The following CNIH3 variants were observed in gnomAD, a reference collection of about 807,000 sequenced individuals.
CNIH3 encodes the protein protein cornichon homolog 3.
A neutral mutation model predicts 24.1 loss-of-function variants in CNIH3; 14 were observed. That is an observed-to-expected ratio of 0.58 (90% CI 0.38 to 0.91). The LOEUF (loss-of-function observed/expected upper bound fraction) is 0.91, where lower values mean the gene tolerates loss of function less well. Among genes scored for constraint, CNIH3 ranks in the 40% least tolerant of loss-of-function variants. The pLI, the probability that CNIH3 is intolerant of heterozygous loss-of-function variation, is 0.00. For synonymous variants in CNIH3, 68 were observed against 73.8 expected (o/e 0.92, Z 0.40); for missense variants, 178 against 196.8 (o/e 0.90, Z 0.57).
intron 3 of CNIH3, among the ~76,000 whole-genome samples, chr1:224,597,573 T>TACAGAAAG (rs1682038300): frequency 6.6e-6 from 1 of 151,932 alleles, no homozygotes; most frequent in Admixed American, 6.6e-5. Context: ...GGTCGGAGGG[T>TACAGAAAG]ACAGAAAGCT....
At position 224,739,334 on chromosome 1, in the gene CNIH3, T is replaced by C; in HGVS notation, c.461T>C (p.Ile154Thr). The C allele has an allele frequency of 9.3e-7, 1 of 1,079,066 alleles. No homozygotes were observed. Among genetic ancestry groups the C allele is most frequent in the Non-Finnish European group, 1.4e-6 (1 of 727,854 alleles). The allele number at this position is 1,079,066 out of a possible 1,614,324, so 66.8% of individuals were successfully genotyped here. A position where few individuals can be genotyped will look rare whatever the true frequency, so the allele number is the denominator to read the frequency against. Residue 154 changes from isoleucine (I) to threonine (T), a missense_variant, in exon 6 of 6, where the codon ATC becomes ACC. Physicochemically the swap from Ile to Thr is moderately conservative, Grantham distance 89. Transcript: ENST00000272133. ...LSFFYYLYCM[I>T]YTLVSS ...TTTTTTTTTTTTGCATTCAGCATGA[T>C]CTACACTTTAGTGAGCTCTTAACGC...
At chr1:224,685,479 G>A (rs1430493817) in intron 3 of CNIH3, among the ~76,000 whole-genome samples, 1 of 152,172 alleles carries the variant, frequency 6.6e-6, no homozygotes, top group Non-Finnish European at 1.5e-5. Flanking sequence ...GGGCCCCTGT[G>A]TCTCTTTCCC....
At chr1:224,456,681 G>A (rs1287957644) in intron 1 of CNIH3, among the ~76,000 whole-genome samples, 2 of 152,344 alleles carry the variant, frequency 1.3e-5, no homozygotes, top group East Asian at 3.9e-4. Flanking sequence ...AAAGTGCCGG[G>A]ATTACAGGCA....
chr1:224,485,133 C>T (rs2405027), intron 1 of CNIH3, among the ~76,000 whole-genome samples: 81,839 of 151,972 alleles, frequency 0.54, 25,494 homozygotes, highest in East Asian at 0.93. Flanking sequence ...TGGAAACAGC[C>T]CTCTGTTACA....
At chr1:224,509,126 C>T (rs1239691783) in intron 1 of CNIH3, among the ~76,000 whole-genome samples, 1 of 152,118 alleles carries the variant, frequency 6.6e-6, no homozygotes, top group Non-Finnish European at 1.5e-5. Flanking sequence ...AGTTCAAGAC[C>T]AGCCTGGCCA....
intron 2 of CNIH3, among the ~76,000 whole-genome samples, chr1:224,532,248 G>A (rs1316109270): frequency 2.0e-5 from 3 of 152,166 alleles, no homozygotes; most frequent in African/African-American, 4.8e-5. Context: ...TAGAGAGTGC[G>A]AGGAACAGCA....
chr1:224,631,760 G>A (rs988919748), intron 1 of CNIH3, among the ~76,000 whole-genome samples: 7 of 152,234 alleles, frequency 4.6e-5, no homozygotes, highest in South Asian at 4.2e-4. Context: ...TTTTGACTCC[G>A]GGATGTATCT....
At chr1:224,656,263 A>G (rs1378728483) in intron 1 of CNIH3, among the ~76,000 whole-genome samples, 1 of 152,236 alleles carries the variant, frequency 6.6e-6, no homozygotes. Context: ...CTGGAAGACC[A>G]TGATCTGTGT....
chr1:224,484,047 T>C (rs2124827691), intron 1 of CNIH3, among the ~76,000 whole-genome samples: 1 of 151,950 alleles, frequency 6.6e-6, no homozygotes, highest in African/African-American at 2.4e-5. Flanking sequence ...GGCGCGTGCC[T>C]GTAATCCCAG....
At chr1:224,636,149 G>A (rs1012818100) in intron 1 of CNIH3, among the ~76,000 whole-genome samples, 3 of 152,214 alleles carry the variant, frequency 2.0e-5, no homozygotes, top group Admixed American at 1.3e-4. Context: ...AGAAGTGTTG[G>A]TTGCTCTGTG....
chr1:224,721,573 G>A (rs1396913022), intron 3 of CNIH3, among the ~76,000 whole-genome samples: 1 of 152,220 alleles, frequency 6.6e-6, no homozygotes, highest in Non-Finnish European at 1.5e-5. Context: ...TAACAAGCGT[G>A]TGAAGAAACT....
intron 3 of CNIH3, among the ~76,000 whole-genome samples, chr1:224,716,966 G>A (rs1452328151): frequency 6.6e-6 from 1 of 152,194 alleles, no homozygotes; most frequent in East Asian, 1.9e-4. Flanking sequence ...GACATCAGGA[G>A]CTGCAGAGGG....
chr1:224,592,922 TTGTGATC>T (rs1392990392), downstream of CNIH3, among the ~76,000 whole-genome samples: 1 of 152,186 alleles, frequency 6.6e-6, no homozygotes, highest in Non-Finnish European at 1.5e-5. Flanking sequence ...CAAAGGCTCA[TTGTGATC>T]TGTTTACAGT....
chr1:224,650,224 A>G (rs1439072014), intron 1 of CNIH3, among the ~76,000 whole-genome samples: 1 of 152,104 alleles, frequency 6.6e-6, no homozygotes, highest in East Asian at 1.9e-4. Context: ...GGGAGACTGG[A>G]TAACCTATTC....
intron 1 of CNIH3, among the ~76,000 whole-genome samples, chr1:224,450,398 C>T (rs1401145780): frequency 1.3e-5 from 2 of 152,144 alleles, no homozygotes; most frequent in African/African-American, 4.8e-5. Flanking sequence ...AAGACCCTGT[C>T]TACTGAATGG....
At chr1:224,546,550 T>C (rs1355202213) in intron 2 of CNIH3, among the ~76,000 whole-genome samples, 3 of 152,144 alleles carry the variant, frequency 2.0e-5, no homozygotes, top group African/African-American at 7.2e-5. Flanking sequence ...AGCTGGAGTC[T>C]CATGCCTTGG....
At chr1:224,565,317 T>C (rs747266736) in intron 3 of CNIH3, 1 of 152,230 alleles carries the variant, frequency 6.6e-6, no homozygotes, top group African/African-American at 2.4e-5. Context: ...TGGCATTGTG[T>C]CTGCAACCAA....
intron 1 of CNIH3, among the ~76,000 whole-genome samples, chr1:224,490,915 AC>A (rs995382859): frequency 1.3e-5 from 2 of 152,358 alleles, no homozygotes; most frequent in African/African-American, 4.8e-5. Flanking sequence ...GCAGTGAAGT[AC>A]AGAAACAGCT....
intron 3 of CNIH3, among the ~76,000 whole-genome samples, chr1:224,709,789 T>A (rs72761829): frequency 0.051 from 7,772 of 152,252 alleles, 291 homozygotes; most frequent in Non-Finnish European, 0.077. Context: ...CAGGGTTCTC[T>A]CTTCCTTCAA....
Sources: allele counts gnomAD v4.1 joint callset (sites outside exome capture counted in the v4.1 genomes callset), GRCh38; gene constraint gnomAD v4.1.1; transcripts MANE v1.5; gene names NCBI Gene and HGNC (gene_info 2026-07-23, HGNC 2026-07-21).